Variants in PLPPR5 observed in about 807,000 individuals in gnomAD.
PLPPR5 encodes phospholipid phosphatase related 5.
PLPPR5 carries 16 observed loss-of-function variants against 33.9 expected under a neutral mutation model. That is an observed-to-expected ratio of 0.47 (90% confidence interval 0.32 to 0.72). The LOEUF (loss-of-function observed/expected upper bound fraction) is 0.72. Among genes scored for constraint, PLPPR5 ranks in the 30% least tolerant of loss-of-function variants. The probability of loss-of-function intolerance (pLI) is 0.03; values close to 1 mark genes in which losing one functional copy is unlikely to be tolerated. For missense variants in PLPPR5, 301 were observed against 406.7 expected (o/e 0.74, Z 2.23); for synonymous variants, 163 against 150.3 (o/e 1.08, Z -0.62).
chr1:99,002,942 C>T (rs1652908462), intron 1 of PLPPR5, among the ~76,000 whole-genome samples: 2 of 149,734 alleles, frequency 1.3e-5, no homozygotes, highest in South Asian at 4.2e-4. Context: ...GTAAAAAGGG[C>T]CCCCAAAAAT....
intron 1 of PLPPR5, among the ~76,000 whole-genome samples, chr1:98,960,451 G>A (rs1651201312): frequency 1.3e-5 from 2 of 152,068 alleles, no homozygotes; most frequent in East Asian, 1.9e-4. Flanking sequence ...TGATCCACCC[G>A]CGTCTGCCTC....
chr1:98,988,932 C>T (rs992817742), intron 1 of PLPPR5, among the ~76,000 whole-genome samples: 6 of 152,064 alleles, frequency 3.9e-5, no homozygotes, highest in South Asian at 2.1e-4. Flanking sequence ...CCACCCAGCA[C>T]GTAACTTTAG....
intron 5 of PLPPR5, among the ~76,000 whole-genome samples, chr1:98,908,107 G>A (rs1434654754): frequency 6.6e-6 from 1 of 152,024 alleles, no homozygotes; most frequent in South Asian, 2.1e-4. Flanking sequence ...GTGTTGAGAC[G>A]TTCTGTAAAT....
chr1:98,993,143 C>T (rs1570762293), intron 1 of PLPPR5, among the ~76,000 whole-genome samples: 1 of 152,090 alleles, frequency 6.6e-6, no homozygotes, highest in African/African-American at 2.4e-5. Context: ...TGTGTTAACT[C>T]ATTAGTTGCA....
intron 4 of PLPPR5, among the ~76,000 whole-genome samples, chr1:98,918,947 G>GA (rs1649454636): frequency 6.6e-6 from 1 of 152,074 alleles, no homozygotes; most frequent in Non-Finnish European, 1.5e-5. Flanking sequence ...ACAAAACAAA[G>GA]AAAAAGACTT....
chr1:98,914,855 AT>A lies in PLPPR5; in HGVS notation c.863del (p.Asn288IlefsTer7). The A allele has an allele frequency of 5.6e-6, 9 of 1,613,152 alleles. No individual in the cohort carries two copies. The highest frequency in any genetic ancestry group is 7.6e-6 in the Non-Finnish European group (9 of 1,179,616). On this transcript the variant is annotated frameshift_variant, in exon 5 of 6. Transcript: ENST00000263177. LOFTEE classifies it high-confidence loss of function. ...QAENEHIHMDNLAQMPMISIP... is the reference protein window; with the variant it reads ...QAENEHIHMDXLAQMPMISIP... ...TGCTGATCATTGGCATCTGTGCCAG[AT>A]TATCCATGTGTATATGCTCATTTTC...
In PLPPR5 at chr1:98,891,679, A is replaced by G. The variant is rs1232168210; in HGVS notation, c.*1393T>C. On this transcript the variant is annotated 3_prime_UTR_variant, in exon 6 of 6. Coordinates refer to ENST00000263177, the MANE Select transcript of PLPPR5 (RefSeq NM_001037317.2). ...CATCTAGACTCTTGATATTATCTTA[A>G]AACTGGATTATAATTATTATATAGT... 6.6e-6 allele frequency: 1 copy of G among 152,094 alleles called. No homozygotes were observed. The highest frequency in any genetic ancestry group is 1.5e-5 in the Non-Finnish European group (1 of 67,998). 9.4% of individuals were successfully genotyped at this position (152,094 alleles called of 1,614,324 possible).
Position 98,892,301 on chromosome 1 carries a change from C to T in PLPPR5, c.*771G>A, listed in dbSNP as rs1648305873. 6.6e-6 allele frequency: 1 copy of T among 152,376 alleles called. No individual in the cohort carries two copies. Among genetic ancestry groups the T allele is most frequent in the Admixed American group, 6.6e-5 (1 of 15,208 alleles). 9.4% of individuals were successfully genotyped at this position (152,376 alleles called of 1,614,324 possible). On this transcript the variant is annotated 3_prime_UTR_variant, in exon 6 of 6. Transcript: ENST00000263177. The stretch of plus-strand genomic sequence containing the variant: ...CCAGTGCTGAATTTACTCATTTAAA[C>T]TACCCTAAATACTGCCTGCATTCAA...
chr1:98,961,756 C>T (rs1386818402), intron 1 of PLPPR5, among the ~76,000 whole-genome samples: 3 of 151,940 alleles, frequency 2.0e-5, no homozygotes, highest in Admixed American at 2.0e-4. Flanking sequence ...TCTCTTTTTC[C>T]TCTTGATTTT....
chr1:98,903,691 G>A (rs906144650), intron 5 of PLPPR5, among the ~76,000 whole-genome samples: 2 of 152,108 alleles, frequency 1.3e-5, no homozygotes, highest in Non-Finnish European at 2.9e-5. Context: ...ACTAACTTGT[G>A]TGAAGCACCT....
At position 98,892,819 on chromosome 1, in the gene PLPPR5, AT is replaced by A; in HGVS notation, c.*252del. On this transcript the variant is annotated 3_prime_UTR_variant, in exon 6 of 6. Transcript: ENST00000263177. ...AGAATTTTGTTCATTTGGTCATCAC[AT>A]TTTTGTTGAACACCTACTTTGTGCT... The A allele has an allele frequency of 2.7e-6, 1 of 363,942 alleles. No homozygotes were observed. The allele number at this position is 363,942 out of a possible 1,614,324, so 22.5% of individuals were successfully genotyped here.
At chr1:98,989,927 A>C (rs1377754851) in intron 1 of PLPPR5, among the ~76,000 whole-genome samples, 1 of 152,190 alleles carries the variant, frequency 6.6e-6, no homozygotes, top group Non-Finnish European at 1.5e-5. Flanking sequence ...AGAATCACAA[A>C]TAAAAGCCAA....
intron 4 of PLPPR5, among the ~76,000 whole-genome samples, chr1:98,917,098 C>T (rs548926320): frequency 2.0e-5 from 3 of 152,248 alleles, no homozygotes; most frequent in South Asian, 2.1e-4. Flanking sequence ...CCACTCCAAA[C>T]TTGATCTCTT....
chr1:98,918,930 G>T (rs1649454139), intron 4 of PLPPR5, among the ~76,000 whole-genome samples: 1 of 152,134 alleles, frequency 6.6e-6, no homozygotes, highest in Non-Finnish European at 1.5e-5. Context: ...TTGGGGATAT[G>T]CTGTGAACAA....
At chr1:98,928,573 G>A (rs1444442311) in intron 3 of PLPPR5, among the ~76,000 whole-genome samples, 41 of 42,450 alleles carry the variant, frequency 9.7e-4, no homozygotes, top group South Asian at 3.3e-3. Flanking sequence ...ATATATATAT[G>A]GTTCACTTTC....
intron 3 of PLPPR5, among the ~76,000 whole-genome samples, chr1:98,932,825 A>G (rs941979842): frequency 1.8e-4 from 28 of 152,168 alleles, no homozygotes; most frequent in Non-Finnish European, 4.0e-4. Flanking sequence ...CATTAGGGCT[A>G]TGATGTTAGG....
intron 3 of PLPPR5, among the ~76,000 whole-genome samples, chr1:98,929,152 C>CT (rs1649872142): frequency 6.6e-6 from 1 of 152,240 alleles, no homozygotes; most frequent in Non-Finnish European, 1.5e-5. Flanking sequence ...TACTGAACTT[C>CT]TCTGACTCTT....
chr1:98,893,124 T>A lies in PLPPR5; in HGVS notation c.934-20A>T. The A allele has an allele frequency of 6.2e-7, 1 of 1,609,160 alleles. No individual in the cohort carries two copies. Among genetic ancestry groups the A allele is most frequent in the South Asian group, 1.1e-5 (1 of 90,670 alleles). ...GTGGTTCTGCAAAAAGAAAAAGGAA[T>A]GACAAAGTGAGAGGCTTGGGAACAT... On this transcript the variant is annotated intron_variant, in intron 5 of 5. Coordinates refer to ENST00000263177, the MANE Select transcript of PLPPR5 (RefSeq NM_001037317.2).
intron 5 of PLPPR5, among the ~76,000 whole-genome samples, chr1:98,895,983 T>C (rs1178073944): frequency 6.6e-6 from 1 of 152,000 alleles, no homozygotes; most frequent in Non-Finnish European, 1.5e-5. Flanking sequence ...AATGAACCTA[T>C]ATCATAAATG....
Sources: allele counts gnomAD v4.1 joint callset (sites outside exome capture counted in the v4.1 genomes callset), GRCh38; gene constraint gnomAD v4.1.1; transcripts MANE v1.5; gene names NCBI Gene and HGNC (gene_info 2026-07-23, HGNC 2026-07-21).